Variants in ROS1 observed in about 807,000 individuals in gnomAD.
ROS1 encodes the protein ROS proto-oncogene 1, receptor tyrosine kinase, also known as proto-oncogene tyrosine-protein kinase ROS.
Under a neutral mutation model 273.5 loss-of-function variants are expected in ROS1, and 263 were observed. The ratio of observed to expected loss-of-function variants is 0.96; its 90% confidence interval spans 0.87 to 1.06. The LOEUF (loss-of-function observed/expected upper bound fraction) is 1.06. ROS1 is among the 50% of genes least tolerant of loss of function. The pLI is 0.00. For missense variants in ROS1, 2,833 were observed against 2,751.1 expected (o/e 1.03, Z -0.67); for synonymous variants, 1,008 against 954.1 (o/e 1.06, Z -1.04).
intron 1 of ROS1, among the ~76,000 whole-genome samples, chr6:117,422,958 T>G (rs931297550): frequency 1.3e-5 from 2 of 152,148 alleles, no homozygotes; most frequent in Non-Finnish European, 2.9e-5. Context: ...ATGAAATTTA[T>G]TGAATGGAAT....
chr6:117,365,981 A>C, intron 19 of ROS1, 95 bp downstream of exon 19: 1 of 1,145,670 alleles, frequency 8.7e-7, no homozygotes, highest in Non-Finnish European at 1.3e-6. Flanking sequence ...ACTCCTCTTA[A>C]AACTTAATTC....
At chr6:117,399,728 G>A (rs1323531909) in intron 7 of ROS1, among the ~76,000 whole-genome samples, 1 of 152,188 alleles carries the variant, frequency 6.6e-6, no homozygotes, top group Non-Finnish European at 1.5e-5. Flanking sequence ...GCTTTTCCTG[G>A]TGTGGAAGTC....
At chr6:117,293,394 A>G (rs2128526020) in intron 43 of ROS1, among the ~76,000 whole-genome samples, 1 of 152,314 alleles carries the variant, frequency 6.6e-6, no homozygotes, top group Non-Finnish European at 1.5e-5. Flanking sequence ...TAGTATCTGA[A>G]TCCAGATAGT....
chr6:117,320,295 C>A lies in ROS1; in HGVS notation c.5760-265G>T, dbSNP rs150750988. Among the ~76,000 whole-genome samples, 1,401 of 152,204 alleles carry A rather than the reference C, an allele frequency of 9.2e-3. 11 individuals carry two copies. The highest frequency in any genetic ancestry group is 0.015 in the Admixed American group (228 of 15,256). On this transcript the variant is annotated intron_variant, in intron 36 of 43. Coordinates refer to ENST00000368507, the MANE Select transcript of ROS1 (RefSeq NM_001378902.1). ...TAAAAATATATATGTGTATGCATTG[C>A]CTCAACACTTTTATTGTAGCTTGTT...
At chr6:117,351,979 T>G (rs1214405008) in intron 27 of ROS1, among the ~76,000 whole-genome samples, 1 of 152,260 alleles carries the variant, frequency 6.6e-6, no homozygotes, top group Non-Finnish European at 1.5e-5. Flanking sequence ...ATGTCATTCA[T>G]ATCTGTCCCT....
At position 117,344,332 on chromosome 6, in the gene ROS1, C is replaced by A; in HGVS notation, c.4304-70G>T. On this transcript the variant is annotated intron_variant, in intron 27 of 43. Transcript: ENST00000368507. The stretch of plus-strand genomic sequence containing the variant: ...TATGAGAGGAAAAGCAGATTTTTAA[C>A]AAGAATAATATCAAAGCTTAGAAAG... 5 of 1,057,320 alleles carry A rather than the reference C, an allele frequency of 4.7e-6. No individual in the cohort carries two copies. The South Asian group carries it at 5.2e-5, about 11-fold the overall frequency. The allele number at this position is 1,057,320 out of a possible 1,614,324, so 65.5% of individuals were successfully genotyped here.
chr6:117,324,248 G>A (rs1776479874), intron 35 of ROS1, 84 bp downstream of exon 35: 3 of 711,864 alleles, frequency 4.2e-6, no homozygotes, highest in Non-Finnish European at 7.4e-6. Context: ...TCATGTGGGA[G>A]ATTAGATCAA....
chr6:117,369,951 A>G (rs979512176), intron 18 of ROS1, among the ~76,000 whole-genome samples: 1 of 152,188 alleles, frequency 6.6e-6, no homozygotes, highest in Non-Finnish European at 1.5e-5. Flanking sequence ...GTATATGTAC[A>G]TGCATATACA....
intron 39 of ROS1, among the ~76,000 whole-genome samples, chr6:117,313,450 G>A (rs1230030358): frequency 6.6e-6 from 1 of 151,892 alleles, no homozygotes; most frequent in Non-Finnish European, 1.5e-5. Context: ...GCATATGTCT[G>A]TAGTCCCAAC....
Position 117,362,845 on chromosome 6 carries a change from G to T in ROS1, c.3124C>A (p.Pro1042Thr), listed in dbSNP as rs756422681. The T allele has an allele frequency of 3.7e-6, 6 of 1,612,244 alleles. No homozygotes were observed. In the South Asian group the frequency reaches 6.6e-5, roughly 18 times the overall value. Reference sequence around the variant, plus strand: ...CCACTTGGTAATATAAATATTCTGGGGTTCTCTGGTGCTGATGGAACTGAA... The same window carrying T: ...CCACTTGGTAATATAAATATTCTGGTGTTCTCTGGTGCTGATGGAACTGAA... ...PETVPSAPEN[P>T]RIFILPSGKC... Residue 1042 changes from proline (P) to threonine (T), a missense_variant, in exon 22 of 44, where the codon CCC (proline) becomes ACC (threonine). Physicochemically the swap from Pro to Thr is conservative, Grantham distance 38. Coordinates refer to ENST00000368507, the MANE Select transcript of ROS1 (RefSeq NM_001378902.1).
chr6:117,394,308 A>G lies in ROS1; in HGVS notation c.1045T>C (p.Ser349Pro), dbSNP rs756089152. The G allele has an allele frequency of 8.1e-6, 13 of 1,606,892 alleles. No homozygotes were observed. In the Admixed American group the frequency reaches 2.2e-4, roughly 27 times the overall value. The change falls in exon 11 of 44, where the codon TCT becomes CCT. Residue 349 changes from serine (S) to proline (P), a missense_variant. Transcript: ENST00000368507. ...TTCGCCCATATGAGAGTTCCTTCAG[A>G]GAAATAAACAATTTGCTGGTGGACA... ...VDVHQQIVYFSEGTLIWAKKA... is the reference protein window; with the variant it reads ...VDVHQQIVYFPEGTLIWAKKA...
rs556271889 is a variant in ROS1 at position 117,388,256 on chromosome 6, T to C, written c.1787-264A>G. Reference sequence around the variant, plus strand: ...CCTTCAGTCAAAGCTATATGCTTGCTGCATATAATTGTCAGAGGGGTTCTC... The same window carrying C: ...CCTTCAGTCAAAGCTATATGCTTGCCGCATATAATTGTCAGAGGGGTTCTC... On this transcript the variant is annotated intron_variant, in intron 13 of 43. Transcript: ENST00000368507. Among the ~76,000 whole-genome samples the C allele has an allele frequency of 3.2e-4, 49 of 152,312 alleles. No homozygotes were observed. In the South Asian group the frequency reaches 7.7e-3, roughly 24 times the overall value.
chr6:117,302,331 T>C (rs1774797007), intron 42 of ROS1, among the ~76,000 whole-genome samples: 1 of 152,128 alleles, frequency 6.6e-6, no homozygotes, highest in African/African-American at 2.4e-5. Flanking sequence ...TAAGGTAGTG[T>C]CAGGATATAT....
intron 18 of ROS1, among the ~76,000 whole-genome samples, chr6:117,370,491 G>T (rs956851928): frequency 6.6e-6 from 1 of 151,958 alleles, no homozygotes; most frequent in Non-Finnish European, 1.5e-5. Context: ...TAAATTTTGG[G>T]TTCTAATGAC....
chr6:117,412,173 G>A (rs568818219), intron 4 of ROS1, among the ~76,000 whole-genome samples: 2 of 152,258 alleles, frequency 1.3e-5, no homozygotes, highest in Non-Finnish European at 1.5e-5. Context: ...AGGCAGTGGA[G>A]CTGGTAGACC....
At chr6:117,297,440 T>A (rs1415065116) in intron 43 of ROS1, among the ~76,000 whole-genome samples, 1 of 152,168 alleles carries the variant, frequency 6.6e-6, no homozygotes, top group Non-Finnish European at 1.5e-5. Flanking sequence ...ATCTGCAGAA[T>A]GGGAGAAAAT....
chr6:117,326,765 T>G (rs2128583669), intron 33 of ROS1, among the ~76,000 whole-genome samples: 1 of 152,350 alleles, frequency 6.6e-6, no homozygotes, highest in Non-Finnish European at 1.5e-5. Context: ...GAAGTTTCCA[T>G]TTTCTCAATT....
rs764677382 is a variant in ROS1, at chr6:117,394,741, GA to G, written c.884-4del. 13 of 1,602,092 alleles carry G rather than the reference GA, an allele frequency of 8.1e-6. No homozygotes were observed. Among genetic ancestry groups the G allele is most frequent in the South Asian group, 2.2e-5 (2 of 89,444 alleles). On this transcript the variant is annotated splice_region_variant and splice_polypyrimidine_tract_variant and intron_variant, in intron 9 of 43. Transcript: ENST00000368507. The stretch of plus-strand genomic sequence containing the variant: ...GAGCCACTGTTCCTCTTGTTGAACT[GA>G]AAAAAACAACACAATTTGCAGACAG...
intron 18 of ROS1, among the ~76,000 whole-genome samples, chr6:117,366,995 T>C (rs1297497145): frequency 6.6e-6 from 1 of 152,182 alleles, no homozygotes; most frequent in Admixed American, 6.5e-5. Flanking sequence ...AACTCTTGCA[T>C]TAGCATAAGA....
Sources: gnomAD v4.1 joint callset for allele counts (sites outside exome capture counted in the v4.1 genomes callset) on GRCh38, gnomAD v4.1.1 for gene constraint, MANE v1.5 for transcripts, NCBI Gene and HGNC (gene_info 2026-07-23, HGNC 2026-07-21) for gene names.